Variants in TFAP2B observed in about 807,000 individuals in gnomAD.
TFAP2B encodes transcription factor AP-2-beta.
A neutral mutation model predicts 44.3 loss-of-function variants in TFAP2B; 9 were observed. The ratio of observed to expected loss-of-function variants is 0.20; its 90% CI spans 0.12 to 0.35. The LOEUF (loss-of-function observed/expected upper bound fraction) is 0.35. Among genes scored for constraint, TFAP2B ranks in the 10% least tolerant of loss-of-function variants. The pLI, the probability that TFAP2B is intolerant of heterozygous loss-of-function variation, is 1.00. For synonymous variants in TFAP2B, 270 were observed against 263.8 expected, an observed-to-expected ratio of 1.02 and a Z score of -0.23; for missense variants, 509 against 600.0, an observed-to-expected ratio of 0.85 and a Z score of 1.59.
chr6:50,843,219 G>T lies in TFAP2B; in HGVS notation c.1210G>T (p.Gly404Cys), dbSNP rs762922833. 1.2e-6 allele frequency: 2 copies of T among 1,614,168 alleles called. No homozygotes were observed. The highest frequency in any genetic ancestry group is 8.5e-7 in the Non-Finnish European group (1 of 1,180,028). Residue 404 changes from glycine to cysteine, a missense_variant, in exon 7 of 7, where the codon GGC becomes TGC. Around this residue, in one of 3 missense-constraint regions of TFAP2B, gnomAD observed 168 missense variants for 183.2 expected, o/e 0.92. Coordinates refer to ENST00000393655, the MANE Select transcript of TFAP2B (RefSeq NM_003221.4). ...CACGCACTTCAGCCTCATCACGCAC[G>T]GCTTCGGCGCCCCGGCCATTTGCGC... is the stretch of plus-strand genomic sequence containing the variant. ...CLTHFSLITH[G>C]FGAPAICAAL...
At position 50,833,304 on chromosome 6, in the gene TFAP2B, G is replaced by T. The variant is rs541003794; in HGVS notation, c.602-2757G>T. Among the ~76,000 whole-genome samples, 268 of 152,298 alleles carry T rather than the reference G, an allele frequency of 1.8e-3. 1 individual carries two copies. The highest frequency in any genetic ancestry group is 6.3e-3 in the African/African-American group (260 of 41,552). Reference sequence around the variant, plus strand: ...TTAATCAGGTGAACTAAGCAGGTGTGAAAGTGGAAGGGAAAGTAGATTATG... The same window carrying T: ...TTAATCAGGTGAACTAAGCAGGTGTTAAAGTGGAAGGGAAAGTAGATTATG... On this transcript the variant is annotated intron_variant, in intron 3 of 6. Transcript: ENST00000393655.
chr6:50,821,976 T>G (rs376005366), intron 1 of TFAP2B: 33 of 282,330 alleles, frequency 1.2e-4, no homozygotes, highest in Admixed American at 2.4e-4. Flanking sequence ...CTTGTTGGGG[T>G]GGGGGGCGGG....
At chr6:50,836,371 A>G (rs1762623456) in intron 4 of TFAP2B, 91 bp downstream of exon 4, 3 of 1,158,186 alleles carry the variant, frequency 2.6e-6, no homozygotes, top group Non-Finnish European at 2.5e-6. Context: ...AGAAGGTTCC[A>G]GCAAAACCCA....
chr6:50,826,895 C>T (rs947866106), intron 2 of TFAP2B, among the ~76,000 whole-genome samples: 4 of 152,176 alleles, frequency 2.6e-5, no homozygotes, highest in Admixed American at 2.6e-4. Flanking sequence ...AATTACGAGT[C>T]TGAGTTGTTT....
At position 50,840,305 on chromosome 6, in the gene TFAP2B, T is replaced by G; in HGVS notation, c.1082+8T>G. 2 of 1,613,324 alleles carry G rather than the reference T, an allele frequency of 1.2e-6. No individual in the cohort carries two copies. The highest frequency in any genetic ancestry group is 2.2e-5 in the South Asian group (2 of 91,070). The stretch of plus-strand genomic sequence containing the variant: ...TATGCTGTTGGCCACCAAGTGAGTT[T>G]ATTAGACTCTGGGCCCTCATCTCAC... On this transcript the variant is annotated splice_region_variant and intron_variant, in intron 6 of 6. Coordinates refer to ENST00000393655, the MANE Select transcript of TFAP2B (RefSeq NM_003221.4).
intron 1 of TFAP2B, among the ~76,000 whole-genome samples, chr6:50,821,022 A>T (rs1770328928): frequency 6.6e-6 from 1 of 152,222 alleles, no homozygotes; most frequent in Non-Finnish European, 1.5e-5. Context: ...CTCAAAAAAC[A>T]GAATCCGCAG....
chr6:50,820,867 A>C (rs1188875229), intron 1 of TFAP2B, among the ~76,000 whole-genome samples: 1 of 143,266 alleles, frequency 7.0e-6, no homozygotes, highest in East Asian at 2.4e-4. Context: ...GAGAGAAGAA[A>C]GGAGGGAGGG....
intron 1 of TFAP2B, among the ~76,000 whole-genome samples, chr6:50,819,485 C>T (rs1487899303): frequency 6.6e-6 from 1 of 152,034 alleles, no homozygotes; most frequent in Non-Finnish European, 1.5e-5. Flanking sequence ...AAGTAGATGG[C>T]TGGAGATATG....
At chr6:50,831,665 G>A (rs1162357692) in intron 3 of TFAP2B, among the ~76,000 whole-genome samples, 7 of 151,674 alleles carry the variant, frequency 4.6e-5, no homozygotes, top group Non-Finnish European at 8.8e-5. Flanking sequence ...AAATCTGGGG[G>A]GAGGAAGAGG....
At position 50,838,768 on chromosome 6, in the gene TFAP2B, A is replaced by G. The variant is rs976313322; in HGVS notation, c.940+675A>G. Among the ~76,000 whole-genome samples the G allele has an allele frequency of 4.6e-5, 7 of 152,332 alleles. No individual in the cohort carries two copies. In the South Asian group the frequency reaches 6.2e-4, roughly 14 times the overall value. Reference sequence around the variant, plus strand: ...ATGATATTTATGGTATGTAATAAACAAAATCATCTACACAGTCCAGAACAA... The same window carrying G: ...ATGATATTTATGGTATGTAATAAACGAAATCATCTACACAGTCCAGAACAA... On this transcript the variant is annotated intron_variant, in intron 5 of 6. Coordinates refer to ENST00000393655, the MANE Select transcript of TFAP2B (RefSeq NM_003221.4).
At chr6:50,826,814 T>C (rs1420482351) in intron 2 of TFAP2B, among the ~76,000 whole-genome samples, 1 of 152,210 alleles carries the variant, frequency 6.6e-6, no homozygotes, top group South Asian at 2.1e-4. Context: ...CCCAAACACA[T>C]ACACACACTC....
At position 50,846,955 on chromosome 6, in the gene TFAP2B, C is replaced by CGAAAACTTTGGTCGAATG. The variant is rs1435080096; in HGVS notation, c.*3571_*3588dup. Reference sequence around the variant, plus strand: ...TCTCAAGCAATTATTTCATATCCTACGAAAACTTTGGTCGAATGGAAAACT... The same window carrying CGAAAACTTTGGTCGAATG: ...TCTCAAGCAATTATTTCATATCCTACGAAAACTTTGGTCGAATGGAAAACTTTGGTCGAATGGAAAACT... On this transcript the variant is annotated 3_prime_UTR_variant, in exon 7 of 7. Coordinates refer to ENST00000393655, the MANE Select transcript of TFAP2B (RefSeq NM_003221.4). 1 of 152,608 alleles carries CGAAAACTTTGGTCGAATG rather than the reference C, an allele frequency of 6.6e-6. No homozygotes were observed. The highest frequency in any genetic ancestry group is 1.5e-5 in the Non-Finnish European group (1 of 68,040). The allele number at this position is 152,608 out of a possible 1,614,324, so 9.5% of individuals were successfully genotyped here.
At chr6:50,829,225 CA>C (rs553399876) in intron 3 of TFAP2B, among the ~76,000 whole-genome samples, 105 of 152,276 alleles carry the variant, frequency 6.9e-4, no homozygotes, top group African/African-American at 2.4e-3. Context: ...AGCCTATGCA[CA>C]TTTCTAAATC....
At chr6:50,820,594 G>T (rs1300819964) in intron 1 of TFAP2B, among the ~76,000 whole-genome samples, 6 of 152,268 alleles carry the variant, frequency 3.9e-5, no homozygotes, top group African/African-American at 1.4e-4. Context: ...GAAGAGCCGC[G>T]CCTACGCGCC....
intron 3 of TFAP2B, chr6:50,830,455 A>G (rs1319394893): frequency 3.5e-6 from 1 of 289,340 alleles, no homozygotes; most frequent in East Asian, 1.7e-4. Flanking sequence ...GAAAAAGAGA[A>G]TAATGACTAA....
At chr6:50,832,127 T>A (rs1209321960) in intron 3 of TFAP2B, among the ~76,000 whole-genome samples, 1 of 152,224 alleles carries the variant, frequency 6.6e-6, no homozygotes, top group Non-Finnish European at 1.5e-5. Context: ...CGGTATGAGT[T>A]TCCTCTCAAA....
chr6:50,832,312 A>G (rs937166824), intron 3 of TFAP2B, among the ~76,000 whole-genome samples: 2 of 152,192 alleles, frequency 1.3e-5, no homozygotes, highest in Non-Finnish European at 2.9e-5. Flanking sequence ...AAGGTCCTAT[A>G]CACCATGTAA....
intron 1 of TFAP2B, among the ~76,000 whole-genome samples, chr6:50,819,959 A>G (rs1561956388): frequency 6.6e-6 from 1 of 152,026 alleles, no homozygotes; most frequent in African/African-American, 2.4e-5. Context: ...TTTAAGCGGA[A>G]TGGTCTGGGA....
At chr6:50,840,365 G>A in intron 6 of TFAP2B, 68 bp downstream of exon 6, 3 of 1,591,174 alleles carry the variant, frequency 1.9e-6, no homozygotes, top group Non-Finnish European at 2.6e-6. Context: ...TTTGGAGTAG[G>A]TGGTGGGGAG....
Sources: allele counts gnomAD v4.1 joint callset (sites outside exome capture counted in the v4.1 genomes callset), GRCh38; gene constraint gnomAD v4.1.1; regional missense constraint gnomAD v4.1.1; transcripts MANE v1.5; gene names NCBI Gene and HGNC (gene_info 2026-07-23, HGNC 2026-07-21).